Variants in TRIM5 observed in about 807,000 individuals in gnomAD.
TRIM5 encodes the protein tripartite motif-containing protein 5.
TRIM5 carries 31 observed loss-of-function variants against 35.6 expected under a neutral mutation model. The observed-to-expected ratio is 0.87, with a 90% CI of 0.65 to 1.18. The LOEUF (loss-of-function observed/expected upper bound fraction) is 1.18. Among genes scored for constraint, TRIM5 ranks in the 50% most tolerant of loss-of-function variants. TRIM5 has a pLI of 0.00. For missense variants in TRIM5, 609 were observed against 591.6 expected (o/e 1.03, Z -0.31); for synonymous variants, 243 against 215.6 (o/e 1.13, Z -1.11).
chr11:5,665,236 T>C lies in TRIM5; in HGVS notation c.1055A>G (p.Gln352Arg). 3.7e-6 allele frequency: 6 copies of C among 1,614,228 alleles called. No individual in the cohort carries two copies. Among genetic ancestry groups the C allele is most frequent in the Non-Finnish European group, 4.2e-6 (5 of 1,180,048 alleles). ...GTAATGTTTCCCTGATGTGATACTT[T>C]GAGAGCCCAGGATGCCAGTACAATA... ...FNYCTGILGSQSITSGKHYWE... is the reference protein window; with the variant it reads ...FNYCTGILGSRSITSGKHYWE... Residue 352 changes from glutamine (Q) to arginine (R), a missense_variant, in exon 8 of 8, where the codon CAA becomes CGA. Gln to Arg is a conservative substitution (Grantham distance 43). Transcript: ENST00000380034.
At chr11:5,677,388 T>A (rs1423693228) in intron 4 of TRIM5, among the ~76,000 whole-genome samples, 4 of 152,062 alleles carry the variant, frequency 2.6e-5, no homozygotes, top group Admixed American at 6.5e-5. Context: ...GAAATGCAAA[T>A]CAAAACCACA....
chr11:5,670,335 A>G (rs1396255816), intron 4 of TRIM5, among the ~76,000 whole-genome samples: 31 of 125,246 alleles, frequency 2.5e-4, no homozygotes, highest in South Asian at 8.6e-4. Context: ...CCACCACCAC[A>G]CCCAGCTAAT....
At chr11:5,641,080 AT>A in the TRIM5 span, 2 of 1,377,502 alleles carry the variant, frequency 1.5e-6, no homozygotes, top group Non-Finnish European at 1.9e-6. Context: ...TGATTTTTCC[AT>A]TTTTTTTCCT....
chr11:5,622,339 G>A, the TRIM5 span, among the ~76,000 whole-genome samples: 2 of 152,046 alleles, frequency 1.3e-5, no homozygotes, highest in Non-Finnish European at 2.9e-5. Context: ...CGGCTACTTG[G>A]GAGGCTGAGG....
the TRIM5 span, among the ~76,000 whole-genome samples, chr11:5,593,213 TATCC>T: frequency 6.6e-6 from 1 of 152,254 alleles, no homozygotes; most frequent in Non-Finnish European, 1.5e-5. Flanking sequence ...CAGTTAGGCC[TATCC>T]TGAATTCTCA....
At chr11:5,655,155 T>G in the TRIM5 span, among the ~76,000 whole-genome samples, 1 of 150,862 alleles carries the variant, frequency 6.6e-6, no homozygotes, top group Non-Finnish European at 1.5e-5. Flanking sequence ...ATCACGCCAT[T>G]GCACTCCAGC....
At chr11:5,597,426 G>T in the TRIM5 span, among the ~76,000 whole-genome samples, 2 of 152,150 alleles carry the variant, frequency 1.3e-5, no homozygotes, top group African/African-American at 4.8e-5. Context: ...TTCTTTTGAA[G>T]TGGAAATTAA....
chr11:5,670,551 A>T (rs939576650), intron 4 of TRIM5, among the ~76,000 whole-genome samples: 4 of 152,190 alleles, frequency 2.6e-5, no homozygotes, highest in African/African-American at 9.6e-5. Flanking sequence ...GGAGTAAGTT[A>T]TATGCAACCC....
the TRIM5 span, chr11:5,643,606 TC>T: frequency 6.2e-7 from 1 of 1,614,028 alleles, no homozygotes; most frequent in Admixed American, 1.7e-5. Flanking sequence ...CATGGCTCCC[TC>T]ATTTACAAGT....
the TRIM5 span, chr11:5,589,905 T>TGCGCGCGGCGCTTGCGGGCCA: frequency 6.5e-6 from 1 of 153,690 alleles, no homozygotes; most frequent in Admixed American, 6.5e-5. Context: ...GAACCGGGTC[T>TGCGCGCGGCGCTTGCGGGCCA]GCGCGCGGCG....
chr11:5,622,718 AG>A, the TRIM5 span, among the ~76,000 whole-genome samples: 1 of 152,254 alleles, frequency 6.6e-6, no homozygotes, highest in Non-Finnish European at 1.5e-5. Context: ...TGATGGGCTA[AG>A]GTAATATACA....
Position 5,664,995 on chromosome 11 carries a change from A to G in TRIM5, c.1296T>C (p.Ile432=). 1 of 1,614,198 alleles carries G rather than the reference A, an allele frequency of 6.2e-7. No individual in the cohort carries two copies. Among genetic ancestry groups the G allele is most frequent in the Non-Finnish European group, 8.5e-7 (1 of 1,180,028 alleles). Residue 432 remains isoleucine, a synonymous_variant, in exon 8 of 8, where the codon ATT becomes ATC. Transcript: ENST00000380034. ...SVPFIVPLSV[I]ICPDRVGVFL... Reference sequence around the variant, plus strand: ...AAACTCCAACACGATCAGGACAAATAATCACAGAGAGGGGCACAATGAAAG... The same window carrying G: ...AAACTCCAACACGATCAGGACAAATGATCACAGAGAGGGGCACAATGAAAG...
chr11:5,610,305 C>T, the TRIM5 span: 83 of 1,609,092 alleles, frequency 5.2e-5, no homozygotes, highest in East Asian at 1.6e-3. Flanking sequence ...AAGAAATAAA[C>T]GGGATAGAGG....
chr11:5,633,577 G>A, the TRIM5 span, among the ~76,000 whole-genome samples: 1 of 152,232 alleles, frequency 6.6e-6, no homozygotes, highest in African/African-American at 2.4e-5. Flanking sequence ...TCTAAGGAAA[G>A]ACAGAATCAG....
the TRIM5 span, among the ~76,000 whole-genome samples, chr11:5,620,275 T>G: frequency 6.9e-6 from 1 of 144,334 alleles, no homozygotes; most frequent in Non-Finnish European, 1.5e-5. Context: ...CCTCCTGGGT[T>G]CTATGGATTC....
At chr11:5,656,067 G>A in the TRIM5 span, among the ~76,000 whole-genome samples, 1 of 152,044 alleles carries the variant, frequency 6.6e-6, no homozygotes, top group Admixed American at 6.6e-5. Flanking sequence ...GAAAACCTAG[G>A]CAATACCATT....
the TRIM5 span, among the ~76,000 whole-genome samples, chr11:5,650,289 G>C: frequency 6.6e-6 from 1 of 152,186 alleles, no homozygotes; most frequent in South Asian, 2.1e-4. Context: ...CATTGCCCGT[G>C]ATTCAGTATA....
At chr11:5,635,873 A>T in the TRIM5 span, among the ~76,000 whole-genome samples, 1 of 152,230 alleles carries the variant, frequency 6.6e-6, no homozygotes, top group African/African-American at 2.4e-5. Context: ...TAATAAAAAA[A>T]GATGGACAAT....
chr11:5,640,139 A>G, the TRIM5 span, among the ~76,000 whole-genome samples: 1 of 152,220 alleles, frequency 6.6e-6, no homozygotes, highest in East Asian at 1.9e-4. Flanking sequence ...TGCCCTGACT[A>G]GAACCTCCAA....
Sources: gnomAD v4.1 joint callset for allele counts (sites outside exome capture counted in the v4.1 genomes callset) on GRCh38, gnomAD v4.1.1 for gene constraint, MANE v1.5 for transcripts, NCBI Gene and HGNC (gene_info 2026-07-23, HGNC 2026-07-21) for gene names.